SMOX: variants seen among roughly 807,000 people sequenced by gnomAD.
SMOX encodes the protein flavin containing amine oxidase.
In SMOX, 22 loss-of-function variants were observed where a neutral mutation model predicts 51.0. That is an observed-to-expected ratio of 0.43 (90% CI 0.31 to 0.62). The LOEUF (loss-of-function observed/expected upper bound fraction) is 0.62. Among genes scored for constraint, SMOX ranks in the 20% least tolerant of loss-of-function variants. The pLI is 0.10. For synonymous variants in SMOX, 282 were observed against 307.8 expected (o/e 0.92, Z 0.88); for missense variants, 566 against 777.7 (o/e 0.73, Z 3.24).
intron 1 of SMOX, among the ~76,000 whole-genome samples, chr20:4,174,589 C>T (rs779495938): frequency 9.9e-5 from 15 of 152,146 alleles, no homozygotes; most frequent in Non-Finnish European, 1.8e-4. Context: ...CCCCAAGCTC[C>T]AGTCTCTCCT....
rs1262749801 is a variant in SMOX at position 4,181,206 on chromosome 20, C to T, written c.436-597C>T. Among the ~76,000 whole-genome samples, 1 of 152,166 alleles carries T rather than the reference C, an allele frequency of 6.6e-6. No homozygotes were observed. The highest frequency in any genetic ancestry group is 2.1e-4 in the South Asian group (1 of 4,822). On this transcript the variant is annotated intron_variant, in intron 3 of 6. Coordinates refer to ENST00000305958, the MANE Select transcript of SMOX (RefSeq NM_175839.3). This position sits in a 1 kb window ranked among gnomAD's most constrained non-coding sequence, Gnocchi z 5.6. Reference sequence around the variant, plus strand: ...CTCCTGAGACCCTGGCTTTTGTGTTCCTGTCTTCCCCACTGCGTCTCAGCT... The same window carrying T: ...CTCCTGAGACCCTGGCTTTTGTGTTTCTGTCTTCCCCACTGCGTCTCAGCT...
At chr20:4,184,335 A>G (rs1600828525) in intron 6 of SMOX, among the ~76,000 whole-genome samples, 1 of 152,032 alleles carries the variant, frequency 6.6e-6, no homozygotes, top group Non-Finnish European at 1.5e-5. Context: ...CACTAGTCAC[A>G]TTTCAAGTTC....
Position 4,187,375 on chromosome 20 carries a change from A to C in SMOX, c.1636A>C (p.Met546Leu). The C allele has an allele frequency of 6.2e-7, 1 of 1,614,122 alleles. No homozygotes were observed. The highest frequency in any genetic ancestry group is 8.5e-7 in the Non-Finnish European group (1 of 1,180,018). Reference protein sequence around the residue: ...GQREAARLIEMYRDLFQQGT With the variant: ...GQREAARLIELYRDLFQQGT ...GCGTGAGGCTGCCCGCCTCATTGAG[A>C]TGTACCGAGACCTCTTCCAGCAGGG... The change falls in exon 7 of 7, where the codon ATG becomes CTG. Residue 546 changes from methionine (M) to leucine (L), a missense_variant. This residue lies in a region of SMOX where 347 missense variants were observed against 481.8 expected (regional missense o/e 0.72). Coordinates refer to ENST00000305958, the MANE Select transcript of SMOX (RefSeq NM_175839.3). This position sits in a 1 kb window ranked among gnomAD's most constrained non-coding sequence, Gnocchi z 4.8.
intron 1 of SMOX, among the ~76,000 whole-genome samples, chr20:4,158,831 C>T (rs183428682): frequency 9.7e-4 from 147 of 152,156 alleles, no homozygotes; most frequent in African/African-American, 3.0e-3. Context: ...GCTCAGCCAG[C>T]GCACCTCTGA....
Position 4,175,081 on chromosome 20 carries a change from A to G in SMOX, c.26A>G (p.Asp9Gly). 6.2e-7 allele frequency: 1 copy of G among 1,614,230 alleles called. No homozygotes were observed. Among genetic ancestry groups the G allele is most frequent in the East Asian group, 2.2e-5 (1 of 44,888 alleles). ...ATGCAAAGTTGTGAATCCAGTGGTG[A>G]CAGTGCGGATGACCCTCTCAGTCGC... MQSCESSGDSADDPLSRGL... is the reference protein window; with the variant it reads MQSCESSGGSADDPLSRGL... The change falls in exon 2 of 7, where the codon GAC becomes GGC. Residue 9 changes from aspartate to glycine, a missense_variant. Coordinates refer to ENST00000305958, the MANE Select transcript of SMOX (RefSeq NM_175839.3).
chr20:4,169,040 C>T (rs1986709572), intron 1 of SMOX, among the ~76,000 whole-genome samples: 2 of 152,024 alleles, frequency 1.3e-5, no homozygotes. Context: ...CTTGAACTCC[C>T]AGGCTCAAGC....
chr20:4,187,154 C>G lies in SMOX; in HGVS notation c.1531-116C>G. 1 of 1,339,306 alleles carries G rather than the reference C, an allele frequency of 7.5e-7. No homozygotes were observed. The highest frequency in any genetic ancestry group is 1.0e-6 in the Non-Finnish European group (1 of 995,822). 83.0% of individuals were successfully genotyped at this position (1,339,306 alleles called of 1,614,324 possible). ...CCTGTGGAAGCAGCAGCACCTGCGT[C>G]TCAGAGCCTCTCTAATTTGTCATTG... On this transcript the variant is annotated intron_variant, in intron 6 of 6. Coordinates refer to ENST00000305958, the MANE Select transcript of SMOX (RefSeq NM_175839.3). This position sits in a 1 kb window ranked among gnomAD's most constrained non-coding sequence, Gnocchi z 4.8.
At position 4,182,970 on chromosome 20, in the gene SMOX, G is replaced by A. The variant is rs1043254391; in HGVS notation, c.1369+122G>A. 3.4e-5 allele frequency: 47 copies of A among 1,377,482 alleles called. No individual in the cohort carries two copies. The highest frequency in any genetic ancestry group is 4.3e-5 in the Non-Finnish European group (45 of 1,037,730). 85.3% of individuals were successfully genotyped at this position (1,377,482 alleles called of 1,614,324 possible). A position where few individuals can be genotyped will look rare whatever the true frequency, so the allele number is the denominator to read the frequency against. ...GTGAAGCTCGGATGCTGTGCCCCACGGGAGAGCCACTGCAGGGTGCCACAT... is the reference window on the plus strand; with the variant it reads ...GTGAAGCTCGGATGCTGTGCCCCACAGGAGAGCCACTGCAGGGTGCCACAT... On this transcript the variant is annotated intron_variant, in intron 5 of 6. Transcript: ENST00000305958. The surrounding 1 kb of genome is among the most constrained non-coding windows in gnomAD (Gnocchi z 8.4).
At chr20:4,184,553 T>C (rs1979593926) in intron 6 of SMOX, among the ~76,000 whole-genome samples, 1 of 150,518 alleles carries the variant, frequency 6.6e-6, no homozygotes, top group Non-Finnish European at 1.5e-5. Context: ...GGATTTTGAG[T>C]TTCCCCCATC....
intron 1 of SMOX, among the ~76,000 whole-genome samples, chr20:4,163,781 C>T (rs1003314842): frequency 1.3e-5 from 2 of 152,160 alleles, no homozygotes; most frequent in Admixed American, 1.3e-4. Context: ...CTGTGGGCTG[C>T]CCCAGGGTTG....
chr20:4,181,577 CG>C lies in SMOX; in HGVS notation c.436-222del, dbSNP rs1444348232. On this transcript the variant is annotated intron_variant, in intron 3 of 6. Transcript: ENST00000305958. This position sits in a 1 kb window ranked among gnomAD's most constrained non-coding sequence, Gnocchi z 5.6. ...AGTGAGGGCCCAGCAAGAAAACCTC[CG>C]GGGCTTATCCCACCTCCCCGACAGG... Among the ~76,000 whole-genome samples the C allele has an allele frequency of 6.6e-6, 1 of 152,182 alleles. No homozygotes were observed. The highest frequency in any genetic ancestry group is 1.5e-5 in the Non-Finnish European group (1 of 68,032).
intron 1 of SMOX, among the ~76,000 whole-genome samples, chr20:4,168,932 T>TTTATTTTATG (rs1986701774): frequency 7.7e-6 from 1 of 129,566 alleles, no homozygotes; most frequent in Non-Finnish European, 1.6e-5. Flanking sequence ...TTTATTTTAT[T>TTTATTTTATG]TTATTTTATT....
At chr20:4,155,460 A>C (rs528886648) in intron 1 of SMOX, among the ~76,000 whole-genome samples, 1 of 152,068 alleles carries the variant, frequency 6.6e-6, no homozygotes, top group East Asian at 1.9e-4. Context: ...TGGCTGGGCC[A>C]CTACAGGCAA....
At position 4,156,684 on chromosome 20, in the gene SMOX, A is replaced by G. The variant is rs371475026; in HGVS notation, c.-27+7707A>G. ...TGCCTCACTGGGTGAATGAGGAAGG[A>G]TCTGGAAGGACCTGTCTGGTGCCTG... On this transcript the variant is annotated intron_variant, in intron 1 of 6. Transcript: ENST00000305958. Among the ~76,000 whole-genome samples the G allele has an allele frequency of 3.3e-5, 5 of 152,008 alleles. No homozygotes were observed. In the East Asian group the frequency reaches 7.7e-4, roughly 23 times the overall value.
At chr20:4,162,245 C>T (rs73893384) in intron 1 of SMOX, among the ~76,000 whole-genome samples, 20 of 150,900 alleles carry the variant, frequency 1.3e-4, no homozygotes, top group Non-Finnish European at 2.4e-4. Flanking sequence ...CCCCACTCCC[C>T]ACTCCCGACT....
In SMOX at chr20:4,166,552, C is replaced by T. The variant is rs1349565462; in HGVS notation, c.-26-8478C>T. Among the ~76,000 whole-genome samples, 1 of 152,206 alleles carries T rather than the reference C, an allele frequency of 6.6e-6. No individual in the cohort carries two copies. The highest frequency in any genetic ancestry group is 1.5e-5 in the Non-Finnish European group (1 of 68,038). On this transcript the variant is annotated intron_variant, in intron 1 of 6. Transcript: ENST00000305958. The surrounding 1 kb of genome is among the most constrained non-coding windows in gnomAD (Gnocchi z 4.2). Reference sequence around the variant, plus strand: ...CTTTCTGAGCTTTCTTCCCCTCCTCCACCCCCAGTTAGGTTTCTAGTTGAG... The same window carrying T: ...CTTTCTGAGCTTTCTTCCCCTCCTCTACCCCCAGTTAGGTTTCTAGTTGAG...
intron 1 of SMOX, among the ~76,000 whole-genome samples, chr20:4,159,420 A>C (rs1197376420): frequency 1.3e-5 from 2 of 152,180 alleles, no homozygotes; most frequent in African/African-American, 4.8e-5. Context: ...CTGCTTCTTC[A>C]TTAGATTTTA....
Position 4,166,717 on chromosome 20 carries a change from C to T in SMOX, c.-26-8313C>T, listed in dbSNP as rs544602754. On this transcript the variant is annotated intron_variant, in intron 1 of 6. Transcript: ENST00000305958. The surrounding 1 kb of genome is among the most constrained non-coding windows in gnomAD (Gnocchi z 4.2). ...ATGGCCCCAGAGTGCTCACCTCTCC[C>T]GGGGGCCTCCCGCTCTTGCCTCCCA... Among the ~76,000 whole-genome samples, 7 of 152,318 alleles carry T rather than the reference C, an allele frequency of 4.6e-5. No individual in the cohort carries two copies. Among genetic ancestry groups the T allele is most frequent in the East Asian group, 1.9e-4 (1 of 5,186 alleles).
rs1424354310 is a variant in SMOX, at chr20:4,177,556, A to G, written c.414A>G (p.Glu138=). Residue 138 remains glutamate (E), a synonymous_variant, in exon 3 of 7, where the codon GAA becomes GAG. Coordinates refer to ENST00000305958, the MANE Select transcript of SMOX (RefSeq NM_175839.3). The surrounding 1 kb of genome is among the most constrained non-coding windows in gnomAD (Gnocchi z 4.3). ...GRRIPKDVVE[E]FSDLYNEVYN... ...GGATCCCCAAGGACGTGGTTGAGGA[A>G]TTCAGCGATTTATACAACGAGGTAA... 1 of 1,591,574 alleles carries G rather than the reference A, an allele frequency of 6.3e-7. No individual in the cohort carries two copies.
Sources: gnomAD v4.1 joint callset for allele counts (sites outside exome capture counted in the v4.1 genomes callset) on GRCh38, gnomAD v4.1.1 for gene constraint, gnomAD v4.1.1 regional missense constraint, Gnocchi (gnomAD v3.1) non-coding constraint, MANE v1.5 for transcripts, NCBI Gene and HGNC (gene_info 2026-07-23, HGNC 2026-07-21) for gene names.